SLC13A1: variants seen among roughly 807,000 people sequenced by gnomAD.
SLC13A1 encodes the protein solute carrier family 13 member 1.
A neutral mutation model predicts 70.0 loss-of-function variants in SLC13A1; 65 were observed. That is an observed-to-expected ratio of 0.93 (90% CI 0.76 to 1.14). The LOEUF is 1.14. Ranked by LOEUF, SLC13A1 falls within the 50% of genes most tolerant of loss-of-function variation. The pLI is 0.00. For missense variants in SLC13A1, 726 were observed against 717.8 expected (o/e 1.01, Z -0.13); for synonymous variants, 275 against 250.5 (o/e 1.10, Z -0.92).
intron 12 of SLC13A1, among the ~76,000 whole-genome samples, chr7:123,121,321 G>A (rs568989112): frequency 1.1e-4 from 17 of 152,126 alleles, no homozygotes; most frequent in Non-Finnish European, 2.1e-4. Context: ...CAGTTCCTGA[G>A]GTCTGCCAGT....
chr7:123,157,491 C>T lies in SLC13A1; in HGVS notation c.661-10181G>A, dbSNP rs538020737. On this transcript the variant is annotated intron_variant, in intron 6 of 14. Coordinates refer to ENST00000194130, the MANE Select transcript of SLC13A1 (RefSeq NM_022444.4). ...GAAATGTTAAAAGTCATGATTAAAT[C>T]CAATATTTACTTAAAAAATTTTATT... Among the ~76,000 whole-genome samples the T allele has an allele frequency of 3.9e-4, 59 of 152,038 alleles. 1 individual carries two copies. Among genetic ancestry groups the T allele is most frequent in the African/African-American group, 1.4e-3 (58 of 41,516 alleles).
intron 1 of SLC13A1, among the ~76,000 whole-genome samples, chr7:123,189,067 A>C (rs1795910845): frequency 7.8e-6 from 1 of 128,400 alleles, no homozygotes; most frequent in African/African-American, 3.0e-5. Flanking sequence ...GTGAGCCGAG[A>C]TCCCGCCACT....
chr7:123,123,027 G>A (rs1214864087), intron 12 of SLC13A1, 99 bp downstream of exon 12: 3 of 956,428 alleles, frequency 3.1e-6, no homozygotes, highest in Non-Finnish European at 5.0e-6. Context: ...ACATTAAAAT[G>A]ACAGAGTGAA....
At chr7:123,174,309 A>G (rs1376531793) in intron 2 of SLC13A1, among the ~76,000 whole-genome samples, 1 of 152,084 alleles carries the variant, frequency 6.6e-6, no homozygotes, top group African/African-American at 2.4e-5. Flanking sequence ...AATTTCCCAC[A>G]AACACCTACA....
At chr7:123,167,647 T>C (rs534617439) in intron 6 of SLC13A1, among the ~76,000 whole-genome samples, 2 of 152,312 alleles carry the variant, frequency 1.3e-5, no homozygotes, top group East Asian at 3.9e-4. Context: ...TATATTGATT[T>C]ATTCTGGGGA....
rs147906005 is a variant in SLC13A1, at chr7:123,175,611, AG to A, written c.229-3708del. Among the ~76,000 whole-genome samples the A allele has an allele frequency of 1.1e-3, 166 of 152,286 alleles. 2 individuals are homozygous for A. In the East Asian group the frequency reaches 0.028, roughly 26 times the overall value. ...GCAAGATGCCATCTATGGAGCAGAC[AG>A]CAAGCCCTTACCATACACTCAATCT... On this transcript the variant is annotated intron_variant, in intron 2 of 14. Transcript: ENST00000194130.
intron 6 of SLC13A1, among the ~76,000 whole-genome samples, chr7:123,157,521 T>TA (rs1794752049): frequency 6.6e-6 from 1 of 152,112 alleles, no homozygotes; most frequent in African/African-American, 2.4e-5. Context: ...TTTATTGCCC[T>TA]AAATGTTAAC....
chr7:123,154,522 T>C (rs1267463304), intron 6 of SLC13A1, among the ~76,000 whole-genome samples: 2 of 152,124 alleles, frequency 1.3e-5, no homozygotes, highest in African/African-American at 4.8e-5. Flanking sequence ...ATCCTCCAAT[T>C]ATGGCTCTGT....
chr7:123,123,190 G>A lies in SLC13A1; in HGVS notation c.1286C>T (p.Ser429Leu), dbSNP rs748669877. ...AATGGCTATATCCCAGGGCATGAAT[G>A]ACTGGAATTCTTTCCAAGTAATCAG... ...SPLITWKEFQ[S>L]FMPWDIAILV... Residue 429 changes from serine to leucine, a missense_variant, in exon 12 of 15, where the codon TCA (serine) becomes TTA (leucine). Transcript: ENST00000194130. 11 of 1,613,576 alleles carry A rather than the reference G, an allele frequency of 6.8e-6. No individual in the cohort carries two copies. The highest frequency in any genetic ancestry group is 9.3e-6 in the Non-Finnish European group (11 of 1,179,632).
chr7:123,144,504 T>C (rs1794281071), intron 7 of SLC13A1, among the ~76,000 whole-genome samples: 2 of 152,204 alleles, frequency 1.3e-5, no homozygotes, highest in Non-Finnish European at 2.9e-5. Context: ...TTTCTCAAAG[T>C]CAGATTGTGT....
chr7:123,168,462 A>G (rs369956874), intron 5 of SLC13A1, 40 bp from the exon 6 acceptor site: 192 of 1,588,850 alleles, frequency 1.2e-4, no homozygotes, highest in Middle Eastern at 1.7e-4. Context: ...TTATTAAAAT[A>G]TAATTTGGAA....
intron 2 of SLC13A1, among the ~76,000 whole-genome samples, chr7:123,173,820 A>G (rs954007460): frequency 1.3e-4 from 20 of 152,198 alleles, no homozygotes; most frequent in African/African-American, 4.6e-4. Context: ...GGAGAGAGGG[A>G]CAATGAATAA....
At position 123,168,492 on chromosome 7, in the gene SLC13A1, A is replaced by T. The variant is rs1298813798; in HGVS notation, c.611+12T>A. 3 of 1,605,948 alleles carry T rather than the reference A, an allele frequency of 1.9e-6. No individual in the cohort carries two copies. In the African/African-American group the frequency reaches 4.0e-5, roughly 21 times the overall value. ...TTGGAAAAATCCCAATCAAAATGTC[A>T]GTATTCCTTACCCTGGAACTGGTTT... On this transcript the variant is annotated intron_variant, in intron 5 of 14. Coordinates refer to ENST00000194130, the MANE Select transcript of SLC13A1 (RefSeq NM_022444.4).
At chr7:123,155,847 GC>G (rs1452192611) in intron 6 of SLC13A1, among the ~76,000 whole-genome samples, 1 of 152,042 alleles carries the variant, frequency 6.6e-6, no homozygotes, top group Non-Finnish European at 1.5e-5. Context: ...TAGGTAGAAG[GC>G]CGGGTTCTCC....
At chr7:123,146,862 A>G (rs1395517437) in intron 7 of SLC13A1, among the ~76,000 whole-genome samples, 1 of 71,424 alleles carries the variant, frequency 1.4e-5, no homozygotes, top group Non-Finnish European at 2.8e-5. Flanking sequence ...GTTAACTACC[A>G]TTTGTGGTAT....
intron 1 of SLC13A1, among the ~76,000 whole-genome samples, chr7:123,183,121 A>G (rs1202036904): frequency 6.6e-6 from 1 of 152,114 alleles, no homozygotes; most frequent in Non-Finnish European, 1.5e-5. Flanking sequence ...TTTATGTGCT[A>G]GTTTCTACCT....
intron 2 of SLC13A1, among the ~76,000 whole-genome samples, chr7:123,172,440 G>C (rs563524612): frequency 1.3e-5 from 2 of 152,180 alleles, no homozygotes; most frequent in Non-Finnish European, 2.9e-5. Context: ...GGCCAACATA[G>C]TGAAACCCTA....
At chr7:123,166,751 AT>A in intron 6 of SLC13A1, among the ~76,000 whole-genome samples, 1 of 152,162 alleles carries the variant, frequency 6.6e-6, no homozygotes, top group East Asian at 1.9e-4. Flanking sequence ...ATAGTATTCC[AT>A]GGTGTACATG....
At chr7:123,168,664 TA>T in intron 4 of SLC13A1, 103 bp from the exon 5 acceptor site, 1 of 823,070 alleles carries the variant, frequency 1.2e-6, no homozygotes. Flanking sequence ...AAATTGAAAA[TA>T]AAAAATTCAC....
Sources: allele counts gnomAD v4.1 joint callset (sites outside exome capture counted in the v4.1 genomes callset), GRCh38; gene constraint gnomAD v4.1.1; transcripts MANE v1.5; gene names NCBI Gene and HGNC (gene_info 2026-07-23, HGNC 2026-07-21).